Variants in LRFN5 observed in about 807,000 individuals in gnomAD.
LRFN5 encodes the protein leucine-rich repeat and fibronectin type-III domain-containing protein 5.
Under a neutral mutation model 45.6 loss-of-function variants are expected in LRFN5, and 24 were observed. That is an observed-to-expected ratio of 0.53 (90% confidence interval 0.38 to 0.74). The LOEUF (loss-of-function observed/expected upper bound fraction) is 0.74, where lower values mean the gene tolerates loss of function less well. Among genes scored for constraint, LRFN5 ranks in the 30% least tolerant of loss-of-function variants. LRFN5 has a pLI of 0.00. For synonymous variants in LRFN5, 340 were observed against 313.8 expected, an observed-to-expected ratio of 1.08 and a Z score of -0.88; for missense variants, 776 against 861.5, an observed-to-expected ratio of 0.90 and a Z score of 1.24.
At chr14:41,638,330 C>A (rs1447662754) in intron 1 of LRFN5, among the ~76,000 whole-genome samples, 1 of 151,974 alleles carries the variant, frequency 6.6e-6, no homozygotes, top group African/African-American at 2.4e-5. Context: ...GTGCAATTCT[C>A]CTTAGAATAC....
intron 1 of LRFN5, among the ~76,000 whole-genome samples, chr14:41,671,480 T>C (rs1881209089): frequency 6.6e-6 from 1 of 152,154 alleles, no homozygotes; most frequent in Non-Finnish European, 1.5e-5. Flanking sequence ...TTCTTTGCAG[T>C]ACCACTTTGA....
At chr14:41,665,603 G>A (rs1335770076) in intron 1 of LRFN5, among the ~76,000 whole-genome samples, 2 of 151,960 alleles carry the variant, frequency 1.3e-5, no homozygotes, top group East Asian at 1.9e-4. Flanking sequence ...TTCAGCTCAC[G>A]AACAAGTAAA....
At chr14:41,841,736 T>A (rs1364088492) in intron 2 of LRFN5, among the ~76,000 whole-genome samples, 1 of 151,888 alleles carries the variant, frequency 6.6e-6, no homozygotes, top group African/African-American at 2.4e-5. Context: ...GTGTAGACTT[T>A]CTGTTCACAG....
chr14:41,748,384 G>A (rs771233710), intron 1 of LRFN5, among the ~76,000 whole-genome samples: 3 of 151,986 alleles, frequency 2.0e-5, no homozygotes, highest in Admixed American at 6.6e-5. Context: ...TAAATGTTGA[G>A]GAGATTATGC....
chr14:41,856,675 A>ATTATTATTATTATTAT lies in LRFN5; in HGVS notation c.-20-29929_-20-29928insATTATTATTATTATTT. Among the ~76,000 whole-genome samples, 80 of 18,344 alleles carry ATTATTATTATTATTAT rather than the reference A, an allele frequency of 4.4e-3. 1 individual carries two copies. Among genetic ancestry groups the ATTATTATTATTATTAT allele is most frequent in the Middle Eastern group, 0.062 (1 of 16 alleles). The allele number at this position is 18,344 out of a possible 152,430, so 12.0% of individuals were successfully genotyped here. On this transcript the variant is annotated intron_variant, in intron 2 of 5. Coordinates refer to ENST00000298119, the MANE Select transcript of LRFN5 (RefSeq NM_152447.5). ...TTCTTTCCTAATTATTATTATTATT[A>ATTATTATTATTATTAT]TTTTTTTTTTTTTTTTTTTGAGACG...
chr14:41,872,946 T>C (rs1040353102), intron 2 of LRFN5, among the ~76,000 whole-genome samples: 4 of 152,236 alleles, frequency 2.6e-5, no homozygotes, highest in African/African-American at 4.8e-5. Context: ...TTATTCTGTT[T>C]TTTCACTAAA....
chr14:41,888,569 G>A (rs1267003791), intron 3 of LRFN5, among the ~76,000 whole-genome samples: 2 of 151,986 alleles, frequency 1.3e-5, no homozygotes, highest in African/African-American at 4.8e-5. Flanking sequence ...TGCCATTTTT[G>A]GTCAAAAATA....
chr14:41,844,839 A>G (rs1488998323), intron 2 of LRFN5, among the ~76,000 whole-genome samples: 2 of 152,156 alleles, frequency 1.3e-5, no homozygotes, highest in Non-Finnish European at 2.9e-5. Flanking sequence ...TATCATTTTC[A>G]TATAGCTGTG....
intron 1 of LRFN5, among the ~76,000 whole-genome samples, chr14:41,680,283 C>G (rs57742714): frequency 0.015 from 2,269 of 152,208 alleles, 12 homozygotes; most frequent in African/African-American, 0.021. Context: ...GCGGTAGCCA[C>G]GCATTGGTTA....
chr14:41,856,202 C>G (rs918755210), intron 2 of LRFN5, among the ~76,000 whole-genome samples: 5 of 152,094 alleles, frequency 3.3e-5, no homozygotes, highest in African/African-American at 1.2e-4. Context: ...AATTACTGAC[C>G]ATGCTTAATG....
chr14:41,711,827 G>C (rs757587184), intron 1 of LRFN5, among the ~76,000 whole-genome samples: 4 of 152,102 alleles, frequency 2.6e-5, no homozygotes, highest in African/African-American at 9.7e-5. Context: ...GACTCTCCAT[G>C]TTCTTAGATT....
chr14:41,777,030 T>A (rs1056621863), intron 2 of LRFN5, among the ~76,000 whole-genome samples: 4 of 151,952 alleles, frequency 2.6e-5, no homozygotes, highest in African/African-American at 9.6e-5. Flanking sequence ...TATATCTTGA[T>A]TTTTCTATTT....
chr14:41,763,312 T>G (rs1203461083), intron 1 of LRFN5, among the ~76,000 whole-genome samples: 1 of 152,232 alleles, frequency 6.6e-6, no homozygotes, highest in Non-Finnish European at 1.5e-5. Context: ...TTTAAGGCTC[T>G]TACCAATGTA....
In LRFN5 at chr14:41,886,608, T is replaced by G. The variant is rs77016987; in HGVS notation, c.-18T>G. On this transcript the variant is annotated splice_region_variant and 5_prime_UTR_variant, in exon 3 of 6. Coordinates refer to ENST00000298119, the MANE Select transcript of LRFN5 (RefSeq NM_152447.5). ...CTATTTTGTGTCTTCCGTTACAGGCTCTTAAACCTGATCTACAATGGAAAA... is the reference window on the plus strand; with the variant it reads ...CTATTTTGTGTCTTCCGTTACAGGCGCTTAAACCTGATCTACAATGGAAAA... 60,052 of 1,550,450 alleles carry G rather than the reference T, an allele frequency of 0.039. 1,615 individuals are homozygous for G. The highest frequency in any genetic ancestry group is 0.12 in the African/African-American group (8,587 of 72,292).
At position 41,856,770 on chromosome 14, in the gene LRFN5, G is replaced by A. The variant is rs866573951; in HGVS notation, c.-20-29836G>A. Reference sequence around the variant, plus strand: ...CCGCTCACTGCAAGCTCCGCCTTCCGGGTTCACGCCATTCTCCTGCCTCAG... The same window carrying A: ...CCGCTCACTGCAAGCTCCGCCTTCCAGGTTCACGCCATTCTCCTGCCTCAG... On this transcript the variant is annotated intron_variant, in intron 2 of 5. Transcript: ENST00000298119. Among the ~76,000 whole-genome samples the A allele has an allele frequency of 9.0e-3, 1,234 of 136,518 alleles. 15 individuals are homozygous for A. The highest frequency in any genetic ancestry group is 0.032 in the African/African-American group (1,176 of 37,038). The allele number at this position is 136,518 out of a possible 152,430, so 89.6% of individuals were successfully genotyped here.
intron 1 of LRFN5, among the ~76,000 whole-genome samples, chr14:41,695,052 T>C (rs1267400647): frequency 6.6e-6 from 1 of 151,994 alleles, no homozygotes; most frequent in Non-Finnish European, 1.5e-5. Context: ...TGCTACTCTT[T>C]TGAACACACA....
intron 1 of LRFN5, among the ~76,000 whole-genome samples, chr14:41,654,851 C>T (rs544337805): frequency 2.6e-5 from 4 of 152,050 alleles, no homozygotes; most frequent in Admixed American, 2.6e-4. Context: ...AATTTTAGGT[C>T]ACAGAATTAT....
intron 1 of LRFN5, among the ~76,000 whole-genome samples, chr14:41,618,731 A>T (rs55763225): frequency 6.6e-6 from 1 of 152,218 alleles, no homozygotes; most frequent in African/African-American, 2.4e-5. Context: ...AGGTACTGAG[A>T]CATAGCCAGC....
At chr14:41,790,975 G>T (rs945682702) in intron 2 of LRFN5, among the ~76,000 whole-genome samples, 3 of 151,672 alleles carry the variant, frequency 2.0e-5, no homozygotes, top group African/African-American at 7.3e-5. Flanking sequence ...CAGTAACAGA[G>T]AAATGTGTAT....
Sources: allele counts gnomAD v4.1 joint callset (sites outside exome capture counted in the v4.1 genomes callset), GRCh38; gene constraint gnomAD v4.1.1; transcripts MANE v1.5; gene names NCBI Gene and HGNC (gene_info 2026-07-23, HGNC 2026-07-21).